The following PIGN variants were observed in gnomAD, a reference collection of about 807,000 sequenced individuals.
PIGN encodes phosphatidylinositol glycan anchor biosynthesis class N, also known as GPI ethanolamine phosphate transferase 1.
PIGN carries 117 observed loss-of-function variants against 125.4 expected under a neutral mutation model. The ratio of observed to expected loss-of-function variants is 0.93; its 90% CI spans 0.80 to 1.09. PIGN has a LOEUF of 1.09. PIGN is among the 50% of genes least tolerant of loss of function. PIGN has a pLI of 0.00. For missense variants in PIGN, 1,075 were observed against 1,094.9 expected, an observed-to-expected ratio of 0.98 and a Z score of 0.26; for synonymous variants, 392 against 377.8, an observed-to-expected ratio of 1.04 and a Z score of -0.44.
At position 62,161,142 on chromosome 18, in the gene PIGN, G is replaced by A. The variant is rs753014750; in HGVS notation, c.212C>T (p.Pro71Leu). Residue 71 changes from proline to leucine, a missense_variant, in exon 4 of 31, where the codon CCG becomes CTG. Pro to Leu is a moderately conservative substitution (Grantham distance 98, BLOSUM62 -3). Around this residue, in one of 3 missense-constraint regions of PIGN, gnomAD observed 152 missense variants for 162.9 expected, o/e 0.93. Transcript: ENST00000640252. ...CAGTTTACATGCTTACCTAATAAAC[G>A]GTGCTCTAGAGTTTCCATTTTCATC... is the stretch of plus-strand genomic sequence containing the variant. ...ELDENGNSRA[P>L]FIRNIIMHEG... 19 of 1,604,948 alleles carry A rather than the reference G, an allele frequency of 1.2e-5. No individual in the cohort carries two copies. The highest frequency in any genetic ancestry group is 2.7e-5 in the African/African-American group (2 of 74,698).
chr18:62,179,120 A>G (rs1253807381), intron 1 of PIGN, among the ~76,000 whole-genome samples: 4 of 152,328 alleles, frequency 2.6e-5, no homozygotes, highest in African/African-American at 9.6e-5. Context: ...TGGGTTCAGG[A>G]GAGGAAACAT....
intron 14 of PIGN, among the ~76,000 whole-genome samples, chr18:62,123,961 G>A (rs997199613): frequency 1.3e-5 from 2 of 151,606 alleles, no homozygotes; most frequent in African/African-American, 4.8e-5. Flanking sequence ...GTATAGAAAA[G>A]GTTTCTCAAA....
At position 62,051,570 on chromosome 18, in the gene PIGN, C is replaced by T. The variant is rs907560728; in HGVS notation, c.2673-5591G>A. On this transcript the variant is annotated intron_variant, in intron 30 of 30. Coordinates refer to ENST00000640252, the MANE Select transcript of PIGN (RefSeq NM_176787.5). ...ATTTCCCCTTTATCATTTTTTATTGCGTCTATTTGATTCTTCTCTCTTTTC... is the reference window on the plus strand; with the variant it reads ...ATTTCCCCTTTATCATTTTTTATTGTGTCTATTTGATTCTTCTCTCTTTTC... 3.7e-4 allele frequency among the ~76,000 whole-genome samples: 56 copies of T among 152,040 alleles called. 1 individual carries two copies. The highest frequency in any genetic ancestry group is 9.9e-4 in the African/African-American group (41 of 41,470).
chr18:62,121,887 C>T (rs2035320229), intron 14 of PIGN, among the ~76,000 whole-genome samples: 2 of 136,982 alleles, frequency 1.5e-5, no homozygotes, highest in South Asian at 5.2e-4. Context: ...ATATATATAC[C>T]TAGTAGTGGA....
At chr18:62,173,926 C>T (rs1346720819) in intron 1 of PIGN, among the ~76,000 whole-genome samples, 2 of 152,104 alleles carry the variant, frequency 1.3e-5, no homozygotes, top group Admixed American at 6.5e-5. Flanking sequence ...TAAAACTGAT[C>T]ATTTCTCGGC....
At chr18:62,082,479 G>A (rs1382858055) in intron 28 of PIGN, among the ~76,000 whole-genome samples, 194 bp downstream of exon 28, 4 of 152,028 alleles carry the variant, frequency 2.6e-5, no homozygotes, top group African/African-American at 9.7e-5. Flanking sequence ...AAGTTTGTCT[G>A]CTAGAGGCCC....
chr18:62,068,323 C>A (rs1275554481), intron 30 of PIGN, among the ~76,000 whole-genome samples: 2 of 152,142 alleles, frequency 1.3e-5, no homozygotes, highest in Non-Finnish European at 2.9e-5. Context: ...GTCCCTGGAC[C>A]TCCTTTCCCT....
At chr18:62,061,840 G>A (rs1320610637) in intron 30 of PIGN, among the ~76,000 whole-genome samples, 2 of 152,166 alleles carry the variant, frequency 1.3e-5, no homozygotes, top group Non-Finnish European at 1.5e-5. Context: ...ACAGAAAGCA[G>A]AAAAAGTACA....
intron 14 of PIGN, among the ~76,000 whole-genome samples, chr18:62,129,204 C>T (rs930397317): frequency 6.6e-6 from 1 of 152,040 alleles, no homozygotes; most frequent in African/African-American, 2.4e-5. Context: ...TCATAGTGAG[C>T]GTATTTATAC....
chr18:62,061,903 C>A (rs980358009), intron 30 of PIGN, among the ~76,000 whole-genome samples: 15 of 152,142 alleles, frequency 9.9e-5, no homozygotes, highest in Admixed American at 9.2e-4. Context: ...AGTTTTGAAT[C>A]TTGACGTACA....
At chr18:62,125,292 A>T (rs1599579527) in intron 14 of PIGN, among the ~76,000 whole-genome samples, 1 of 151,804 alleles carries the variant, frequency 6.6e-6, no homozygotes. Context: ...ACGAATTTTT[A>T]ATGTAGTTGT....
At chr18:62,085,377 C>T in intron 25 of PIGN, 113 bp from the exon 26 acceptor site, 1 of 721,676 alleles carries the variant, frequency 1.4e-6, no homozygotes, top group Non-Finnish European at 2.4e-6. Context: ...TTTACTTGTA[C>T]CATGAATTGT....
intron 10 of PIGN, among the ~76,000 whole-genome samples, 177 bp downstream of exon 10, chr18:62,145,732 C>T (rs2036303042): frequency 6.6e-6 from 1 of 152,064 alleles, no homozygotes; most frequent in East Asian, 1.9e-4. Flanking sequence ...CAACAAATGG[C>T]TCTGTGAGAA....
intron 30 of PIGN, among the ~76,000 whole-genome samples, chr18:62,046,369 G>GT (rs1279738292): frequency 6.6e-6 from 1 of 151,878 alleles, no homozygotes; most frequent in Non-Finnish European, 1.5e-5. Flanking sequence ...AAAGCAGGAG[G>GT]TGAGTGGTGG....
intron 30 of PIGN, among the ~76,000 whole-genome samples, chr18:62,066,810 T>G (rs562039667): frequency 6.6e-6 from 1 of 152,326 alleles, no homozygotes; most frequent in African/African-American, 2.4e-5. Flanking sequence ...GTAATTAAAC[T>G]GATTTAACTA....
rs564373419 is a variant in PIGN at position 62,141,951 on chromosome 18, C to T, written c.963+1355G>A. ...GCCTGAAAAGCCCTCCTCCTACTGC[C>T]TTGGCCTGCTAATTCCTGCTTATTC... On this transcript the variant is annotated intron_variant, in intron 11 of 30. Coordinates refer to ENST00000640252, the MANE Select transcript of PIGN (RefSeq NM_176787.5). Among the ~76,000 whole-genome samples the T allele has an allele frequency of 5.3e-5, 8 of 152,288 alleles. No individual in the cohort carries two copies. The East Asian group carries it at 1.5e-3, about 29-fold the overall frequency.
At chr18:62,040,693 T>C (rs1312768460), downstream of PIGN, among the ~76,000 whole-genome samples, 2 of 152,214 alleles carry the variant, frequency 1.3e-5, no homozygotes, top group African/African-American at 4.8e-5. Flanking sequence ...TTTAATTGTA[T>C]GGTTTCTAAC....
chr18:62,104,781 T>C (rs1354349261), intron 20 of PIGN, among the ~76,000 whole-genome samples: 2 of 152,178 alleles, frequency 1.3e-5, no homozygotes, highest in East Asian at 1.9e-4. Context: ...AAAATGCTTA[T>C]AGCATTCTGA....
chr18:62,032,622 G>A (rs2030206884), intron 23 of PIGN, among the ~76,000 whole-genome samples: 1 of 152,214 alleles, frequency 6.6e-6, no homozygotes, highest in Non-Finnish European at 1.5e-5. Flanking sequence ...TTATGCTGAT[G>A]ACAAGACAAA....
Sources: gnomAD v4.1 joint callset for allele counts (sites outside exome capture counted in the v4.1 genomes callset) on GRCh38, gnomAD v4.1.1 for gene constraint, gnomAD v4.1.1 regional missense constraint, MANE v1.5 for transcripts, NCBI Gene and HGNC (gene_info 2026-07-23, HGNC 2026-07-21) for gene names.